Variants in PARP15 observed in about 807,000 individuals in gnomAD.
PARP15 encodes poly(ADP-ribose) polymerase family member 15.
In PARP15, 50 loss-of-function variants were observed where a neutral mutation model predicts 62.1. The ratio of observed to expected loss-of-function variants is 0.81; its 90% CI spans 0.64 to 1.02. The LOEUF (loss-of-function observed/expected upper bound fraction) is 1.02. Ranked by LOEUF, PARP15 falls within the 50% of genes least tolerant of loss-of-function variation. The pLI, the probability that PARP15 is intolerant of heterozygous loss-of-function variation, is 0.00. For synonymous variants in PARP15, 309 were observed against 293.1 expected, an observed-to-expected ratio of 1.05 and a Z score of -0.55; for missense variants, 820 against 826.5, an observed-to-expected ratio of 0.99 and a Z score of 0.10.
chr3:122,592,056 GA>G (rs1239328364), intron 1 of PARP15, among the ~76,000 whole-genome samples: 2 of 152,154 alleles, frequency 1.3e-5, no homozygotes, highest in African/African-American at 2.4e-5. Flanking sequence ...TCTAGAACCA[GA>G]AATACCATTT....
chr3:122,609,579 T>C (rs1297210276), intron 2 of PARP15, among the ~76,000 whole-genome samples: 1 of 151,432 alleles, frequency 6.6e-6, no homozygotes, highest in Non-Finnish European at 1.5e-5. Flanking sequence ...ATGCCTGTAA[T>C]CCCCGCTACT....
chr3:122,632,077 A>G lies in PARP15; in HGVS notation c.1439-9A>G. 1 of 1,613,994 alleles carries G rather than the reference A, an allele frequency of 6.2e-7. No homozygotes were observed. The highest frequency in any genetic ancestry group is 8.5e-7 in the Non-Finnish European group (1 of 1,179,948). The stretch of plus-strand genomic sequence containing the variant: ...AATGTTGTGTTTTGACCAAATGCTG[A>G]CTTTCCAGGTAATCTTCCTGAACAC... On this transcript the variant is annotated splice_polypyrimidine_tract_variant and intron_variant, in intron 9 of 11. Coordinates refer to ENST00000464300, the MANE Select transcript of PARP15 (RefSeq NM_001113523.3).
intron 6 of PARP15, among the ~76,000 whole-genome samples, chr3:122,619,175 C>T (rs1382785775): frequency 6.6e-6 from 1 of 152,130 alleles, no homozygotes; most frequent in Non-Finnish European, 1.5e-5. Flanking sequence ...CCATATTAGC[C>T]TCTGTGTAAC....
chr3:122,635,258 C>G, intron 11 of PARP15, 64 bp downstream of exon 11: 3 of 1,483,954 alleles, frequency 2.0e-6, no homozygotes, highest in South Asian at 2.5e-5. Context: ...CTTTTCATAC[C>G]CAAGCAGTGT....
At chr3:122,596,494 G>A (rs1386810137) in intron 1 of PARP15, among the ~76,000 whole-genome samples, 1 of 151,560 alleles carries the variant, frequency 6.6e-6, no homozygotes, top group East Asian at 1.9e-4. Context: ...TATCCTCCTA[G>A]TTGCTCAGAC....
intron 1 of PARP15, among the ~76,000 whole-genome samples, chr3:122,601,896 A>G (rs1005090345): frequency 9.9e-5 from 15 of 152,274 alleles, no homozygotes; most frequent in Middle Eastern, 3.4e-3. Context: ...ACCAGCAATG[A>G]ATGAGTGTTC....
rs774775946 is a variant in PARP15, at chr3:122,627,044, C to T, written c.1438+11C>T. 6.3e-7 allele frequency: 1 copy of T among 1,589,990 alleles called. No individual in the cohort carries two copies. Among genetic ancestry groups the T allele is most frequent in the Non-Finnish European group, 8.6e-7 (1 of 1,165,440 alleles). On this transcript the variant is annotated intron_variant, in intron 9 of 11. Transcript: ENST00000464300. ...TCTCCATGACTACATGTAAGATGTT[C>T]ACTTTTTAAAAATCACCCTGCTGGC...
intron 2 of PARP15, among the ~76,000 whole-genome samples, chr3:122,608,089 T>C (rs1385004172): frequency 1.3e-5 from 2 of 152,120 alleles, no homozygotes; most frequent in East Asian, 3.8e-4. Context: ...TTCCAAGTAC[T>C]CCATCGTCTG....
At chr3:122,577,956 A>G in intron 1 of PARP15, 103 bp downstream of exon 1, 4 of 1,276,252 alleles carry the variant, frequency 3.1e-6, no homozygotes, top group Non-Finnish European at 3.1e-6. Context: ...CACGCCACGC[A>G]CAACCCTCTC....
chr3:122,577,993 T>G, intron 1 of PARP15, 140 bp downstream of exon 1: 1 of 787,900 alleles, frequency 1.3e-6, no homozygotes, highest in Non-Finnish European at 1.9e-6. Flanking sequence ...CTACACTGAC[T>G]TCCCTGTTCC....
chr3:122,616,876 A>C, intron 5 of PARP15, 139 bp from the exon 6 acceptor site: 2 of 859,520 alleles, frequency 2.3e-6, no homozygotes, highest in Non-Finnish European at 3.6e-6. Context: ...TTAAGAGGCC[A>C]GGAGATGTGG....
intron 11 of PARP15, 36 bp downstream of exon 11, chr3:122,635,230 G>T: frequency 6.3e-7 from 1 of 1,590,884 alleles, no homozygotes; most frequent in East Asian, 2.2e-5. Context: ...TCAGAATAAG[G>T]CAAACAATAG....
chr3:122,615,224 A>G (rs1460435506), intron 4 of PARP15: 1 of 1,271,812 alleles, frequency 7.9e-7, no homozygotes, highest in Admixed American at 2.5e-5. Flanking sequence ...TGTTTTTTCC[A>G]TTTCTAAACA....
At chr3:122,586,941 T>C (rs1467460361) in intron 1 of PARP15, among the ~76,000 whole-genome samples, 3 of 152,232 alleles carry the variant, frequency 2.0e-5, no homozygotes, top group African/African-American at 7.2e-5. Context: ...AAAAACTCTC[T>C]GTGCTCTGCT....
chr3:122,629,833 C>A (rs997608373), intron 9 of PARP15, among the ~76,000 whole-genome samples: 1 of 152,154 alleles, frequency 6.6e-6, no homozygotes, highest in Non-Finnish European at 1.5e-5. Flanking sequence ...CTTGCATGCA[C>A]AGTTCACAAT....
chr3:122,586,299 T>C (rs574527974), intron 1 of PARP15, among the ~76,000 whole-genome samples: 3 of 152,290 alleles, frequency 2.0e-5, no homozygotes, highest in Non-Finnish European at 4.4e-5. Flanking sequence ...CTGGAACTCC[T>C]GTGTTCAAGT....
intron 1 of PARP15, among the ~76,000 whole-genome samples, chr3:122,582,003 T>A (rs2088780): frequency 0.37 from 56,484 of 152,044 alleles, 10,928 homozygotes; most frequent in Admixed American, 0.46. Flanking sequence ...CTTAAAAAAT[T>A]AGAGAACCAG....
intron 8 of PARP15, among the ~76,000 whole-genome samples, 174 bp from the exon 9 acceptor site, chr3:122,626,653 G>T (rs919242434): frequency 4.6e-5 from 7 of 152,170 alleles, no homozygotes; most frequent in Non-Finnish European, 7.4e-5. Context: ...CATGGATGAT[G>T]TACTATGAAA....
intron 1 of PARP15, among the ~76,000 whole-genome samples, chr3:122,601,920 T>A (rs991328670): frequency 7.9e-5 from 12 of 151,838 alleles, no homozygotes; most frequent in Non-Finnish European, 1.5e-4. Context: ...CTGCTCCACA[T>A]CCTTGCATTT....
Sources: allele counts gnomAD v4.1 joint callset (sites outside exome capture counted in the v4.1 genomes callset), GRCh38; gene constraint gnomAD v4.1.1; transcripts MANE v1.5; gene names NCBI Gene and HGNC (gene_info 2026-07-23, HGNC 2026-07-21).